Variants in NEMP1 observed in about 807,000 individuals in gnomAD.
The protein encoded by NEMP1 is nuclear envelope integral membrane protein 1.
Under a neutral mutation model 53.7 loss-of-function variants are expected in NEMP1, and 29 were observed. That is an observed-to-expected ratio of 0.54 (90% CI 0.40 to 0.74). The LOEUF is 0.74. Among genes scored for constraint, NEMP1 ranks in the 30% least tolerant of loss-of-function variants. The probability of loss-of-function intolerance (pLI) is 0.00; values close to 1 mark genes in which losing one functional copy is unlikely to be tolerated. For synonymous variants in NEMP1, 193 were observed against 192.9 expected (o/e 1.00, Z 0.00); for missense variants, 477 against 528.6 (o/e 0.90, Z 0.96).
At chr12:57,072,246 T>C (rs2032386288) in intron 2 of NEMP1, among the ~76,000 whole-genome samples, 1 of 152,182 alleles carries the variant, frequency 6.6e-6, no homozygotes, top group African/African-American at 2.4e-5. Flanking sequence ...CAGACCAGCC[T>C]GGCCAACATG....
At chr12:57,079,778 T>A (rs912976249), upstream of NEMP1, among the ~76,000 whole-genome samples, 15 of 152,058 alleles carry the variant, frequency 9.9e-5, no homozygotes. Context: ...TTTTTTTTTT[T>A]AATGTTTTTA....
chr12:57,064,630 A>G lies in NEMP1; in HGVS notation c.639+16T>C. 6.3e-7 allele frequency: 1 copy of G among 1,576,668 alleles called. No homozygotes were observed. Among genetic ancestry groups the G allele is most frequent in the Non-Finnish European group, 8.7e-7 (1 of 1,154,648 alleles). On this transcript the variant is annotated intron_variant, in intron 5 of 8. Transcript: ENST00000300128. ...CCAAATTCATTCTAGCTGCACATGA[A>G]GATTCTGATACTTACCTTAGGCATA...
chr12:57,063,060 G>T, intron 7 of NEMP1, 59 bp downstream of exon 7: 1 of 1,361,302 alleles, frequency 7.3e-7, no homozygotes, highest in Non-Finnish European at 1.0e-6. Flanking sequence ...GTATCCTCTT[G>T]CTGCAACTGC....
chr12:57,087,597 G>A (rs1039579443), intron 1 of NEMP1, among the ~76,000 whole-genome samples: 1 of 151,992 alleles, frequency 6.6e-6, no homozygotes, highest in African/African-American at 2.4e-5. Context: ...CGCTTAATAG[G>A]TTGGAGAAGA....
At chr12:57,080,803 A>G (rs946265752), upstream of NEMP1, among the ~76,000 whole-genome samples, 3 of 151,002 alleles carry the variant, frequency 2.0e-5, no homozygotes, top group Non-Finnish European at 2.9e-5. Flanking sequence ...AGACAGAAGA[A>G]TTGCTTGAGC....
At chr12:57,086,920 G>GA (rs1268579392) in intron 1 of NEMP1, among the ~76,000 whole-genome samples, 1 of 152,262 alleles carries the variant, frequency 6.6e-6, no homozygotes, top group Non-Finnish European at 1.5e-5. Context: ...ACAATTTAGA[G>GA]AGTTTTCCCG....
intron 6 of NEMP1, 127 bp downstream of exon 6, chr12:57,063,944 A>AT (rs2031944336): frequency 3.4e-6 from 2 of 584,766 alleles, no homozygotes; most frequent in African/African-American, 4.0e-5. Flanking sequence ...AAAAACTATG[A>AT]TTTTTAAAAG....
intron 7 of NEMP1, among the ~76,000 whole-genome samples, chr12:57,062,648 C>T (rs2031870870): frequency 6.6e-6 from 1 of 151,908 alleles, no homozygotes; most frequent in South Asian, 2.1e-4. Flanking sequence ...GTCAGGAGTT[C>T]AAGACCAGCC....
rs2032282454 is a variant in NEMP1, at chr12:57,070,230, T to C, written c.472+444A>G. Reference sequence around the variant, plus strand: ...ATGGTTCCATGAATACTCTTTTTACTTGTGAATGATTTTCAATTTTACCTT... The same window carrying C: ...ATGGTTCCATGAATACTCTTTTTACCTGTGAATGATTTTCAATTTTACCTT... On this transcript the variant is annotated intron_variant, in intron 3 of 8. Coordinates refer to ENST00000300128, the MANE Select transcript of NEMP1 (RefSeq NM_001130963.2). 1.3e-5 allele frequency among the ~76,000 whole-genome samples: 2 copies of C among 150,464 alleles called. 1 individual carries two copies. Among genetic ancestry groups the C allele is most frequent in the South Asian group, 4.2e-4 (2 of 4,736 alleles).
chr12:57,068,279 C>A (rs1051279380), intron 4 of NEMP1, among the ~76,000 whole-genome samples: 8 of 151,888 alleles, frequency 5.3e-5, no homozygotes, highest in African/African-American at 1.9e-4. Context: ...TATATATTTT[C>A]TTCATATTTG....
At chr12:57,077,514 CA>C (rs1266296310) in intron 1 of NEMP1, among the ~76,000 whole-genome samples, 1 of 151,492 alleles carries the variant, frequency 6.6e-6, no homozygotes, top group African/African-American at 2.4e-5. Flanking sequence ...AACAAACAAA[CA>C]AAAAAACAAA....
At chr12:57,082,141 G>T (rs1249598992), upstream of NEMP1, among the ~76,000 whole-genome samples, 3 of 152,048 alleles carry the variant, frequency 2.0e-5, no homozygotes, top group Non-Finnish European at 4.4e-5. Context: ...ACTTGAACCT[G>T]GGAGGCGGAG....
At chr12:57,073,740 C>G (rs1423474391) in intron 1 of NEMP1, among the ~76,000 whole-genome samples, 2 of 152,176 alleles carry the variant, frequency 1.3e-5, no homozygotes, top group Non-Finnish European at 2.9e-5. Flanking sequence ...CTCATAATCC[C>G]TATTTTATAA....
intron 3 of NEMP1, among the ~76,000 whole-genome samples, chr12:57,070,090 A>G (rs2032276952): frequency 6.6e-6 from 1 of 152,208 alleles, no homozygotes; most frequent in Admixed American, 6.5e-5. Context: ...AAAGTCAGAG[A>G]GAATTCAACA....
chr12:57,074,196 T>C (rs1384524849), intron 1 of NEMP1, among the ~76,000 whole-genome samples: 1 of 151,796 alleles, frequency 6.6e-6, no homozygotes, highest in Non-Finnish European at 1.5e-5. Context: ...CTTGAACTCC[T>C]GGCCTAAAGC....
intron 1 of NEMP1, among the ~76,000 whole-genome samples, chr12:57,075,738 G>T (rs1042618796): frequency 6.6e-6 from 1 of 151,640 alleles, no homozygotes; most frequent in East Asian, 1.9e-4. Context: ...AGGCTGAGGC[G>T]GGCAGATCAT....
At chr12:57,072,724 T>G (rs1164821580) in intron 2 of NEMP1, 64 bp downstream of exon 2, 57 of 1,517,958 alleles carry the variant, frequency 3.8e-5, no homozygotes, top group Non-Finnish European at 5.0e-5. Flanking sequence ...AGTGTCAAAA[T>G]ACTCACTAAT....
chr12:57,072,619 G>A (rs1289784794), intron 2 of NEMP1, among the ~76,000 whole-genome samples, 169 bp downstream of exon 2: 3 of 152,104 alleles, frequency 2.0e-5, no homozygotes, highest in Non-Finnish European at 4.4e-5. Flanking sequence ...TACAAAGTAG[G>A]CATAAATGCT....
intron 1 of NEMP1, among the ~76,000 whole-genome samples, chr12:57,076,423 G>C (rs1250268593): frequency 6.6e-6 from 1 of 152,140 alleles, no homozygotes; most frequent in Non-Finnish European, 1.5e-5. Context: ...CAGTACTTTG[G>C]TAGGCTGAGG....
Sources: allele counts gnomAD v4.1 joint callset (sites outside exome capture counted in the v4.1 genomes callset), GRCh38; gene constraint gnomAD v4.1.1; transcripts MANE v1.5; gene names NCBI Gene and HGNC (gene_info 2026-07-23, HGNC 2026-07-21).